Variants in LYPLAL1 observed in about 807,000 individuals in gnomAD.
LYPLAL1 encodes lysophospholipase-like protein 1.
Under a neutral mutation model 19.7 loss-of-function variants are expected in LYPLAL1, and 23 were observed. That is an observed-to-expected ratio of 1.17 (90% confidence interval 0.84 to 1.65). The LOEUF (loss-of-function observed/expected upper bound fraction) is 1.65, where lower values mean the gene tolerates loss of function less well. Ranked by LOEUF, LYPLAL1 falls within the 40% of genes most tolerant of loss-of-function variation. The pLI is 0.00. For missense variants in LYPLAL1, 355 were observed against 279.4 expected (o/e 1.27, Z -1.93); for synonymous variants, 119 against 96.3 (o/e 1.24, Z -1.38).
chr1:219,188,065 T>C (rs901404864), intron 2 of LYPLAL1, among the ~76,000 whole-genome samples: 6 of 151,904 alleles, frequency 3.9e-5, no homozygotes, highest in African/African-American at 1.2e-4. Context: ...ACATTGTTAT[T>C]TCTGGCTGGC....
chr1:219,206,035 A>G (rs1224391333), intron 3 of LYPLAL1, among the ~76,000 whole-genome samples: 1 of 152,150 alleles, frequency 6.6e-6, no homozygotes, highest in African/African-American at 2.4e-5. Context: ...AGGTGTTGAA[A>G]TTTAGAATGG....
rs1463638125 is a variant in LYPLAL1, at chr1:219,193,238, C to A, written c.348C>A (p.Asn116Lys). ...AAGTAAAAAGTGGCATCAAGAAGAA[C>A]AGGATATTAATAGGTAAGACCTTTA... is the stretch of plus-strand genomic sequence containing the variant. ...DEEVKSGIKKNRILIGGFSMG... is the reference protein window; with the variant it reads ...DEEVKSGIKKKRILIGGFSMG... Residue 116 changes from asparagine to lysine, a missense_variant, in exon 3 of 5, where the codon AAC (asparagine) becomes AAA (lysine). By Grantham distance (94) the Asn-to-Lys change is moderately conservative. Transcript: ENST00000366928. The A allele has an allele frequency of 6.2e-7, 1 of 1,609,110 alleles. No individual in the cohort carries two copies. The highest frequency in any genetic ancestry group is 2.2e-5 in the East Asian group (1 of 44,696).
the LYPLAL1 span, among the ~76,000 whole-genome samples, chr1:219,401,199 T>C: frequency 6.6e-6 from 1 of 151,994 alleles, no homozygotes; most frequent in South Asian, 2.1e-4. Flanking sequence ...TGCTAATTTA[T>C]CACTACTGTA....
At chr1:219,178,415 A>T (rs1655993220) in intron 1 of LYPLAL1, among the ~76,000 whole-genome samples, 1 of 152,202 alleles carries the variant, frequency 6.6e-6, no homozygotes, top group Admixed American at 6.5e-5. Flanking sequence ...ACACATTAAC[A>T]GGGATTCAAT....
At chr1:219,408,097 A>G in the LYPLAL1 span, among the ~76,000 whole-genome samples, 1 of 152,162 alleles carries the variant, frequency 6.6e-6, no homozygotes, top group Non-Finnish European at 1.5e-5. Flanking sequence ...AGGTGTTTAC[A>G]TCTACTATTC....
chr1:219,379,373 G>A, the LYPLAL1 span, among the ~76,000 whole-genome samples: 5 of 152,204 alleles, frequency 3.3e-5, no homozygotes, highest in Admixed American at 6.5e-5. Context: ...CAGACCAGAT[G>A]TACATTGTCC....
At chr1:219,303,650 G>T in the LYPLAL1 span, among the ~76,000 whole-genome samples, 21 of 152,306 alleles carry the variant, frequency 1.4e-4, no homozygotes, top group East Asian at 3.5e-3. Context: ...TTATTCAAGT[G>T]AAATCTCATA....
chr1:219,232,895 T>A, the LYPLAL1 span, among the ~76,000 whole-genome samples: 1 of 151,608 alleles, frequency 6.6e-6, no homozygotes, highest in African/African-American at 2.4e-5. Flanking sequence ...TAACAAGTGT[T>A]TGTGATGATG....
chr1:219,326,310 T>TG, the LYPLAL1 span, among the ~76,000 whole-genome samples: 2 of 1,304 alleles, frequency 1.5e-3, no homozygotes, highest in African/African-American at 3.5e-3. Context: ...GGTGGGGGGT[T>TG]GGGGGGTGGG....
the LYPLAL1 span, among the ~76,000 whole-genome samples, chr1:219,259,624 C>A: frequency 6.6e-6 from 1 of 151,300 alleles, no homozygotes; most frequent in African/African-American, 2.4e-5. Flanking sequence ...ATATAATGAA[C>A]TTTGGAGACA....
At chr1:219,246,311 A>G in the LYPLAL1 span, among the ~76,000 whole-genome samples, 1 of 152,132 alleles carries the variant, frequency 6.6e-6, no homozygotes, top group Non-Finnish European at 1.5e-5. Flanking sequence ...GAGATCCTGT[A>G]GGCAAGCTGG....
the LYPLAL1 span, among the ~76,000 whole-genome samples, chr1:219,403,821 A>G: frequency 5.9e-5 from 9 of 152,322 alleles, no homozygotes; most frequent in African/African-American, 2.2e-4. Context: ...ATTTATATAT[A>G]CAACCTTTCT....
chr1:219,347,897 C>A, the LYPLAL1 span, among the ~76,000 whole-genome samples: 13 of 151,880 alleles, frequency 8.6e-5, no homozygotes, highest in African/African-American at 2.4e-4. Context: ...TGAGCTCCCC[C>A]ACAGGAGCAG....
chr1:219,377,067 G>C, the LYPLAL1 span, among the ~76,000 whole-genome samples: 1 of 152,130 alleles, frequency 6.6e-6, no homozygotes, highest in African/African-American at 2.4e-5. Flanking sequence ...ATAGCTACCA[G>C]GCAAAATCAA....
chr1:219,225,986 A>G, the LYPLAL1 span, among the ~76,000 whole-genome samples: 1 of 152,152 alleles, frequency 6.6e-6, no homozygotes, highest in South Asian at 2.1e-4. Context: ...CCCTCAATTG[A>G]CAAACTAAAC....
At chr1:219,230,743 A>T in the LYPLAL1 span, among the ~76,000 whole-genome samples, 6 of 152,326 alleles carry the variant, frequency 3.9e-5, no homozygotes, top group Admixed American at 1.3e-4. Context: ...ATGCTCAGTG[A>T]ATATTTAAAT....
chr1:219,397,120 T>G, the LYPLAL1 span, among the ~76,000 whole-genome samples: 1 of 152,218 alleles, frequency 6.6e-6, no homozygotes, highest in Non-Finnish European at 1.5e-5. Flanking sequence ...GTTTTTAACA[T>G]GAAGAAGTGT....
intron 1 of LYPLAL1, among the ~76,000 whole-genome samples, chr1:219,176,519 T>C (rs563101278): frequency 1.3e-5 from 2 of 152,304 alleles, no homozygotes; most frequent in South Asian, 4.1e-4. Context: ...ACGTGAACTG[T>C]CATCTGCATT....
chr1:219,336,099 A>G, the LYPLAL1 span, among the ~76,000 whole-genome samples: 23 of 151,422 alleles, frequency 1.5e-4, no homozygotes, highest in Non-Finnish European at 3.0e-4. Flanking sequence ...GTGTTGACAA[A>G]AAACTCTTGG....
Sources: gnomAD v4.1 joint callset for allele counts (sites outside exome capture counted in the v4.1 genomes callset) on GRCh38, gnomAD v4.1.1 for gene constraint, MANE v1.5 for transcripts, NCBI Gene and HGNC (gene_info 2026-07-23, HGNC 2026-07-21) for gene names.